The following RNF130 variants were observed in gnomAD, a reference collection of about 807,000 sequenced individuals.
The protein encoded by RNF130 is ring finger protein 130.
RNF130 carries 21 observed loss-of-function variants against 44.6 expected under a neutral mutation model. The ratio of observed to expected loss-of-function variants is 0.47; its 90% CI spans 0.33 to 0.68. The LOEUF (loss-of-function observed/expected upper bound fraction) is 0.68. Among genes scored for constraint, RNF130 ranks in the 30% least tolerant of loss-of-function variants. The probability of loss-of-function intolerance (pLI) is 0.02; values close to 1 mark genes in which losing one functional copy is unlikely to be tolerated. For synonymous variants in RNF130, 214 were observed against 210.4 expected, an observed-to-expected ratio of 1.02 and a Z score of -0.15; for missense variants, 479 against 560.6, an observed-to-expected ratio of 0.85 and a Z score of 1.47.
At chr5:179,921,064 A>G (rs1761623856) in intron 7 of RNF130, among the ~76,000 whole-genome samples, 1 of 152,132 alleles carries the variant, frequency 6.6e-6, no homozygotes, top group Non-Finnish European at 1.5e-5. Context: ...GTGCTACTCA[A>G]AGCTGAGCTG....
chr5:180,002,288 A>G (rs72813787), intron 3 of RNF130, among the ~76,000 whole-genome samples: 2 of 152,358 alleles, frequency 1.3e-5, no homozygotes, highest in Non-Finnish European at 2.9e-5. Flanking sequence ...CAGGTGGAGC[A>G]GCTCCATCTC....
intron 3 of RNF130, among the ~76,000 whole-genome samples, chr5:179,985,252 G>A (rs1459599350): frequency 1.4e-5 from 2 of 146,522 alleles, no homozygotes; most frequent in East Asian, 2.0e-4. Flanking sequence ...ACTACGTCTG[G>A]ACACAGTTTT....
At chr5:179,999,318 G>A (rs1325122518) in intron 3 of RNF130, among the ~76,000 whole-genome samples, 1 of 152,062 alleles carries the variant, frequency 6.6e-6, no homozygotes, top group Non-Finnish European at 1.5e-5. Context: ...ACCACGCCTG[G>A]CCTGTTTTAT....
chr5:179,939,260 T>C (rs1269245090), intron 7 of RNF130, among the ~76,000 whole-genome samples: 1 of 127,026 alleles, frequency 7.9e-6, no homozygotes, highest in Non-Finnish European at 1.6e-5. Flanking sequence ...CAGAGATTTA[T>C]AACAACTTTT....
rs141320468 is a variant in RNF130 at position 180,002,036 on chromosome 5, C to G, written c.693+11025G>C. On this transcript the variant is annotated intron_variant, in intron 3 of 8. Coordinates refer to ENST00000521389, the MANE Select transcript of RNF130 (RefSeq NM_018434.6). ...GGATAATGTGCTGCTTCAGCTCAGG[C>G]CCAGGGAGCATACTCTTTTGGGTGG... Among the ~76,000 whole-genome samples the G allele has an allele frequency of 3.6e-3, 547 of 152,318 alleles. 2 individuals are homozygous for G. The highest frequency in any genetic ancestry group is 6.7e-3 in the Non-Finnish European group (457 of 68,030).
downstream of RNF130, among the ~76,000 whole-genome samples, chr5:179,950,636 A>T (rs1022474315): frequency 6.6e-6 from 1 of 152,248 alleles, no homozygotes; most frequent in African/African-American, 2.4e-5. Flanking sequence ...GACTGATGGG[A>T]AGTCCCAATC....
chr5:179,939,514 T>A, intron 7 of RNF130: 1 of 234,530 alleles, frequency 4.3e-6, no homozygotes, highest in Non-Finnish European at 8.4e-6. Flanking sequence ...GGCCGTCTTC[T>A]CCCATTTCTA....
intron 1 of RNF130, among the ~76,000 whole-genome samples, chr5:180,069,441 C>T (rs1252042445): frequency 6.6e-6 from 1 of 151,884 alleles, no homozygotes; most frequent in Non-Finnish European, 1.5e-5. Flanking sequence ...CTGGAGCAAG[C>T]CCCTGTGGGA....
intron 1 of RNF130, among the ~76,000 whole-genome samples, chr5:180,056,812 C>G (rs1160626189): frequency 6.6e-6 from 1 of 152,116 alleles, no homozygotes; most frequent in Non-Finnish European, 1.5e-5. Flanking sequence ...GAATGCATAA[C>G]TACCACATAT....
intron 2 of RNF130, among the ~76,000 whole-genome samples, chr5:180,033,530 C>A (rs543824368): frequency 6.6e-6 from 1 of 152,150 alleles, no homozygotes; most frequent in Non-Finnish European, 1.5e-5. Flanking sequence ...TCGAGACCAG[C>A]CCGGCCAACA....
rs1167602270 is a variant in RNF130 at position 180,065,288 on chromosome 5, C to T, written c.247+6168G>A. 4.6e-5 allele frequency among the ~76,000 whole-genome samples: 7 copies of T among 152,058 alleles called. No homozygotes were observed. In the East Asian group the frequency reaches 9.6e-4, roughly 21 times the overall value. ...AGAGAAATGTCACCCATTATCTAATCGATATAACACAACCATTTTTATGTC... is the reference window on the plus strand; with the variant it reads ...AGAGAAATGTCACCCATTATCTAATTGATATAACACAACCATTTTTATGTC... On this transcript the variant is annotated intron_variant, in intron 1 of 8. Coordinates refer to ENST00000521389, the MANE Select transcript of RNF130 (RefSeq NM_018434.6).
intron 7 of RNF130, among the ~76,000 whole-genome samples, chr5:179,944,223 C>A (rs756906616): frequency 7.9e-5 from 12 of 152,126 alleles, no homozygotes; most frequent in Non-Finnish European, 1.5e-4. Flanking sequence ...CCTGCCTTGG[C>A]CTCCCAAAGT....
intron 2 of RNF130, among the ~76,000 whole-genome samples, chr5:180,037,592 G>C (rs1029548503): frequency 6.6e-6 from 1 of 152,166 alleles, no homozygotes; most frequent in African/African-American, 2.4e-5. Flanking sequence ...CTAGAAACTT[G>C]TTAATAATAC....
chr5:180,055,451 T>TGTGTGTGTGC (rs1561709804), intron 1 of RNF130, among the ~76,000 whole-genome samples: 3 of 150,994 alleles, frequency 2.0e-5, no homozygotes, highest in South Asian at 2.1e-4. Context: ...TGTGTGTGTG[T>TGTGTGTGTGC]GCGTGTGTGT....
chr5:179,931,775 A>AAAAC (rs3078899), intron 7 of RNF130, among the ~76,000 whole-genome samples: 81,161 of 150,888 alleles, frequency 0.54, 23,661 homozygotes, highest in African/African-American at 0.74. Flanking sequence ...ACTCTGTCTT[A>AAAAC]AAACAAACAA....
chr5:180,035,949 C>G (rs1467049081), intron 2 of RNF130, among the ~76,000 whole-genome samples: 1 of 152,074 alleles, frequency 6.6e-6, no homozygotes, highest in Non-Finnish European at 1.5e-5. Flanking sequence ...AATATAGTTT[C>G]CTTTAGTCTT....
intron 3 of RNF130, among the ~76,000 whole-genome samples, chr5:179,991,538 T>C (rs1763081945): frequency 6.6e-6 from 1 of 152,150 alleles, no homozygotes; most frequent in Non-Finnish European, 1.5e-5. Flanking sequence ...TCTTTTGAAG[T>C]TTTTCTTTTC....
chr5:179,999,695 C>A (rs1030151264), intron 3 of RNF130, among the ~76,000 whole-genome samples: 2 of 151,526 alleles, frequency 1.3e-5, no homozygotes, highest in African/African-American at 4.9e-5. Context: ...CCAGCCTAGG[C>A]GAGCAAGCGA....
At chr5:180,011,138 G>A (rs146020692) in intron 3 of RNF130, among the ~76,000 whole-genome samples, 45 of 152,180 alleles carry the variant, frequency 3.0e-4, no homozygotes, top group Non-Finnish European at 5.4e-4. Flanking sequence ...ACAACACGTC[G>A]GATAAACTCA....
Sources: gnomAD v4.1 joint callset for allele counts (sites outside exome capture counted in the v4.1 genomes callset) on GRCh38, gnomAD v4.1.1 for gene constraint, MANE v1.5 for transcripts, NCBI Gene and HGNC (gene_info 2026-07-23, HGNC 2026-07-21) for gene names.